Variants in FAM149A observed in about 807,000 individuals in gnomAD.
The protein encoded by FAM149A is family with sequence similarity 149 member A, also known as protein FAM149A.
A neutral mutation model predicts 78.2 loss-of-function variants in FAM149A; 71 were observed. That is an observed-to-expected ratio of 0.91 (90% CI 0.75 to 1.11). FAM149A has a LOEUF of 1.11. Ranked by LOEUF, FAM149A falls within the 50% of genes least tolerant of loss-of-function variation. The pLI, the probability that FAM149A is intolerant of heterozygous loss-of-function variation, is 0.00. For missense variants in FAM149A, 1,036 were observed against 971.0 expected (o/e 1.07, Z -0.89); for synonymous variants, 446 against 410.5 (o/e 1.09, Z -1.04).
At chr4:186,132,181 G>C (rs1366051645) in intron 1 of FAM149A, 1 of 985,176 alleles carries the variant, frequency 1.0e-6, no homozygotes, top group South Asian at 4.7e-5. Context: ...TTTAATGAAG[G>C]GCAGATTTTT....
chr4:186,144,834 G>C lies in FAM149A; in HGVS notation c.567-4339G>C. 2.0e-6 allele frequency: 2 copies of C among 982,824 alleles called. No homozygotes were observed. The highest frequency in any genetic ancestry group is 2.4e-6 in the Non-Finnish European group (2 of 828,882). 60.9% of individuals were successfully genotyped at this position (982,824 alleles called of 1,614,324 possible). A position where few individuals can be genotyped will look rare whatever the true frequency, so the allele number is the denominator to read the frequency against. Reference sequence around the variant, plus strand: ...GGAGGAGGGGAGGCGGCGCCGGCGCGGGCGGGGCGGAGGATCTGGAGAGGG... The same window carrying C: ...GGAGGAGGGGAGGCGGCGCCGGCGCCGGCGGGGCGGAGGATCTGGAGAGGG... On this transcript the variant is annotated intron_variant, in intron 1 of 13. Transcript: ENST00000389354. The surrounding 1 kb of genome is among the most constrained non-coding windows in gnomAD (Gnocchi z 4.2).
In FAM149A at chr4:186,166,996, T is replaced by C. The variant is rs1461286614; in HGVS notation, c.2039T>C (p.Val680Ala). Reference sequence around the variant, plus strand: ...AGAGGAAGGCATCTACAAAACCGTGTGTTGAGTGCCATGCCTGACGGTACA... The same window carrying C: ...AGAGGAAGGCATCTACAAAACCGTGCGTTGAGTGCCATGCCTGACGGTACA... The change falls in exon 12 of 14, where the codon GTG becomes GCG. Residue 680 changes from valine (V) to alanine (A), a missense_variant. By Grantham distance (64) the Val-to-Ala change is moderately conservative (BLOSUM62 0). This residue lies in a region of FAM149A where 716 missense variants were observed against 711.8 expected (regional missense o/e 1.01). Coordinates refer to ENST00000389354, the MANE Select transcript of FAM149A (RefSeq NM_001367768.3). 74 of 1,613,964 alleles carry C rather than the reference T, an allele frequency of 4.6e-5. No individual in the cohort carries two copies. Among genetic ancestry groups the C allele is most frequent in the Non-Finnish European group, 6.0e-5 (71 of 1,179,968 alleles).
At chr4:186,170,257 C>G (rs576184471) in intron 13 of FAM149A, among the ~76,000 whole-genome samples, 1 of 152,238 alleles carries the variant, frequency 6.6e-6, no homozygotes, top group Non-Finnish European at 1.5e-5. Flanking sequence ...GCACGGAAGT[C>G]CTAGCTCTGC....
At position 186,173,719 on chromosome 4, in the gene FAM149A, G is replaced by GCAGCA. The variant is rs1561423537; in HGVS notation, c.*1732_*1733insCAGCA. On this transcript the variant is annotated 3_prime_UTR_variant, in exon 14 of 14. Coordinates refer to ENST00000389354, the MANE Select transcript of FAM149A (RefSeq NM_001367768.3). ...CAGCAGCAGCAGCAGCAGCAGCAGC[G>GCAGCA]ACCACCAGGTCCATGCCTCTTTTCC... 8.9e-6 allele frequency among the ~76,000 whole-genome samples: 1 copy of GCAGCA among 111,954 alleles called. No homozygotes were observed. Among genetic ancestry groups the GCAGCA allele is most frequent in the African/African-American group, 2.8e-5 (1 of 35,638 alleles). The allele number at this position is 111,954 out of a possible 152,430, so 73.4% of individuals were successfully genotyped here.
At chr4:186,107,338 A>G (rs965859271) in intron 1 of FAM149A, 1 of 152,246 alleles carries the variant, frequency 6.6e-6, no homozygotes, top group Non-Finnish European at 1.5e-5. Flanking sequence ...ATAACACTGC[A>G]TTTGGCATTA....
chr4:186,150,418 T>G (rs1315168788), intron 3 of FAM149A, among the ~76,000 whole-genome samples: 2 of 121,284 alleles, frequency 1.6e-5, no homozygotes, highest in African/African-American at 6.5e-5. Context: ...TGTCTCTTTT[T>G]TTTTTTTTTT....
rs541191478 is a variant in FAM149A at position 186,160,559 on chromosome 4, C to T, written c.1576-2286C>T. 3.2e-3 allele frequency among the ~76,000 whole-genome samples: 483 copies of T among 150,348 alleles called. 3 individuals are homozygous for T. Among genetic ancestry groups the T allele is most frequent in the African/African-American group, 0.011 (463 of 40,860 alleles). ...ACCACACGCACACCCCACACATGCA[C>T]ACATACCACACACACCACATATCAT... On this transcript the variant is annotated intron_variant, in intron 8 of 13. Transcript: ENST00000389354.
chr4:186,148,513 C>T (rs1000059101), intron 1 of FAM149A, among the ~76,000 whole-genome samples: 2 of 152,204 alleles, frequency 1.3e-5, no homozygotes, highest in South Asian at 4.2e-4. Flanking sequence ...ATGTTTTAAG[C>T]GGTTCATTGA....
Position 186,165,399 on chromosome 4 carries a change from T to C in FAM149A, c.1945T>C (p.Phe649Leu), listed in dbSNP as rs375398673. 1.1e-5 allele frequency: 18 copies of C among 1,613,962 alleles called. No homozygotes were observed. The highest frequency in any genetic ancestry group is 2.2e-5 in the East Asian group (1 of 44,886). ...ACTGGTTCAAACGTCACGGAGCAGG[T>C]TCCCCCCGCTAGTCACGGAGACCAG... The change falls in exon 11 of 14, where the codon TTC becomes CTC. Residue 649 changes from phenylalanine to leucine, a missense_variant. Physicochemically the swap from Phe to Leu is conservative, Grantham distance 22 (BLOSUM62 0). Transcript: ENST00000389354.
intron 1 of FAM149A, among the ~76,000 whole-genome samples, chr4:186,129,818 G>A (rs1384408655): frequency 1.3e-5 from 2 of 152,144 alleles, no homozygotes; most frequent in African/African-American, 2.4e-5. Context: ...AAATGTACAC[G>A]TCAAGTGTTT....
intron 2 of FAM149A, 45 bp downstream of exon 2, chr4:186,149,328 G>A (rs755593709): frequency 9.9e-5 from 125 of 1,266,458 alleles, no homozygotes; most frequent in Middle Eastern, 2.2e-4. Flanking sequence ...CAAAATGCCC[G>A]TAACAAATGT....
rs1734872098 is a variant in FAM149A, at chr4:186,164,602, C to A, written c.1890-742C>A. On this transcript the variant is annotated intron_variant, in intron 10 of 13. Transcript: ENST00000389354. The surrounding 1 kb of genome is among the most constrained non-coding windows in gnomAD (Gnocchi z 4.0). ...TCTGCTGTGCTGATTCCTTCGAGAT[C>A]CCTCTCCCTCCTCCGCCTCGCTTCC... The A allele has an allele frequency of 2.0e-6, 1 of 502,904 alleles. No homozygotes were observed. Among genetic ancestry groups the A allele is most frequent in the Non-Finnish European group, 2.6e-6 (1 of 388,664 alleles). The allele number at this position is 502,904 out of a possible 1,614,324, so 31.2% of individuals were successfully genotyped here.
chr4:186,165,855 G>A (rs1325654078), intron 11 of FAM149A, among the ~76,000 whole-genome samples: 1 of 152,170 alleles, frequency 6.6e-6, no homozygotes, highest in East Asian at 1.9e-4. Flanking sequence ...GAGCCTTAGT[G>A]TTCTCTGTAA....
At chr4:186,170,051 A>G in intron 13 of FAM149A, 1 of 613,546 alleles carries the variant, frequency 1.6e-6, no homozygotes, top group Non-Finnish European at 2.0e-6. Flanking sequence ...AGGCCCCCTC[A>G]GGATCAGGCT....
intron 9 of FAM149A, 106 bp downstream of exon 9, chr4:186,163,054 C>T: frequency 1.4e-6 from 1 of 727,110 alleles, no homozygotes. Context: ...CCCATTTAAT[C>T]CCGTGCTTCA....
rs1228043645 is a variant in FAM149A, at chr4:186,106,737, G to A, written c.566+1095G>A. On this transcript the variant is annotated intron_variant, in intron 1 of 13. Transcript: ENST00000389354. ...CCGAGGCGGGCGGATCATGAGGTCA[G>A]GAGATCGAGACCATCCTGGCTAACA... 3.9e-5 allele frequency among the ~76,000 whole-genome samples: 6 copies of A among 152,180 alleles called. 1 individual carries two copies. Among genetic ancestry groups the A allele is most frequent in the Admixed American group, 6.5e-5 (1 of 15,282 alleles).
At position 186,105,150 on chromosome 4, in the gene FAM149A, G is replaced by T. The variant is rs1368296418; in HGVS notation, c.74G>T (p.Gly25Val). ...GAGACCTCGACGGCGCCCCCCGCAG[G>T]CCCCTCCTCCAGACCCTCGGGAGGT... Residue 25 changes from glycine (G) to valine (V), a missense_variant, in exon 1 of 14, where the codon GGC becomes GTC. Transcript: ENST00000389354. 3 of 1,279,888 alleles carry T rather than the reference G, an allele frequency of 2.3e-6. No individual in the cohort carries two copies. Among genetic ancestry groups the T allele is most frequent in the African/African-American group, 1.6e-5 (1 of 63,738 alleles). The allele number at this position is 1,279,888 out of a possible 1,614,324, so 79.3% of individuals were successfully genotyped here.
intron 1 of FAM149A, chr4:186,110,020 G>C: frequency 1.0e-6 from 1 of 985,396 alleles, no homozygotes; most frequent in Non-Finnish European, 1.2e-6. Flanking sequence ...TCATACATTT[G>C]TGTAGCCCTT....
Position 186,163,607 on chromosome 4 carries a change from T to G in FAM149A, c.1863T>G (p.Ser621Arg), listed in dbSNP as rs1391742915. 23 of 1,614,102 alleles carry G rather than the reference T, an allele frequency of 1.4e-5. No individual in the cohort carries two copies. The East Asian group carries it at 5.1e-4, about 36-fold the overall frequency. ...GACTAAAAACTCCCAACATCTATAG[T>G]GACGAAGTTCTTCGGGGAACAAAAC... is the stretch of plus-strand genomic sequence containing the variant. Residue 621 changes from serine (S) to arginine (R), a missense_variant, in exon 10 of 14, where the codon AGT becomes AGG. By Grantham distance (110) the Ser-to-Arg change is moderately radical (BLOSUM62 -1). Transcript: ENST00000389354.
Sources: allele counts gnomAD v4.1 joint callset (sites outside exome capture counted in the v4.1 genomes callset), GRCh38; gene constraint gnomAD v4.1.1; regional missense constraint gnomAD v4.1.1; non-coding constraint Gnocchi (gnomAD v3.1); transcripts MANE v1.5; gene names NCBI Gene and HGNC (gene_info 2026-07-23, HGNC 2026-07-21).